The following AGBL4 variants were observed in gnomAD, a reference collection of about 807,000 sequenced individuals.
AGBL4 encodes cytosolic carboxypeptidase 6.
A neutral mutation model predicts 66.4 loss-of-function variants in AGBL4; 58 were observed. The observed-to-expected ratio is 0.87, with a 90% CI of 0.71 to 1.09. AGBL4 has a LOEUF of 1.09. Among genes scored for constraint, AGBL4 ranks in the 50% least tolerant of loss-of-function variants. The pLI is 0.00. For missense variants in AGBL4, 579 were observed against 631.0 expected, an observed-to-expected ratio of 0.92 and a Z score of 0.88; for synonymous variants, 234 against 222.9, an observed-to-expected ratio of 1.05 and a Z score of -0.44.
chr1:48,886,767 G>A (rs113096572), intron 5 of AGBL4, among the ~76,000 whole-genome samples: 10 of 152,216 alleles, frequency 6.6e-5, no homozygotes, highest in African/African-American at 2.4e-4. Context: ...TAACCAGGAT[G>A]GTCTCGATCT....
chr1:48,775,317 G>A (rs965244107), intron 6 of AGBL4, among the ~76,000 whole-genome samples: 1 of 152,126 alleles, frequency 6.6e-6, no homozygotes, highest in African/African-American at 2.4e-5. Context: ...ATTTTTCAGA[G>A]GCAACATGAG....
intron 6 of AGBL4, among the ~76,000 whole-genome samples, chr1:48,776,396 G>A (rs1645084181): frequency 1.3e-5 from 2 of 152,214 alleles, no homozygotes; most frequent in South Asian, 4.1e-4. Flanking sequence ...CGGGGAAGCG[G>A]GGAAGACAAA....
intron 3 of AGBL4, among the ~76,000 whole-genome samples, chr1:49,515,278 C>T (rs1020169349): frequency 6.6e-6 from 1 of 152,018 alleles, no homozygotes; most frequent in Non-Finnish European, 1.5e-5. Flanking sequence ...CCAAAAGACG[C>T]ATGAAAAAAT....
chr1:49,328,221 T>C (rs1570444329), intron 3 of AGBL4, among the ~76,000 whole-genome samples: 1 of 152,304 alleles, frequency 6.6e-6, no homozygotes, highest in Non-Finnish European at 1.5e-5. Flanking sequence ...AAAAAGGCAA[T>C]ATTATCTTCC....
intron 3 of AGBL4, among the ~76,000 whole-genome samples, chr1:49,288,999 G>GAC (rs143838813): frequency 0.079 from 11,836 of 150,632 alleles, 1,429 homozygotes; most frequent in African/African-American, 0.26. Context: ...TAACAAATGA[G>GAC]ACACACACAC....
chr1:49,941,258 C>T (rs1263269422), intron 1 of AGBL4, among the ~76,000 whole-genome samples: 2 of 152,128 alleles, frequency 1.3e-5, no homozygotes, highest in African/African-American at 4.8e-5. Flanking sequence ...CAAACATTTG[C>T]AGAAGTAATG....
At chr1:49,470,757 T>C (rs1056987063) in intron 3 of AGBL4, among the ~76,000 whole-genome samples, 1 of 151,986 alleles carries the variant, frequency 6.6e-6, no homozygotes, top group African/African-American at 2.4e-5. Context: ...GCCCCTTAAT[T>C]TGCATACAAT....
In AGBL4 at chr1:49,971,907, GTTTTTTTT is replaced by G. The variant is rs745772850; in HGVS notation, c.34+51848_34+51855del. 7.7e-4 allele frequency among the ~76,000 whole-genome samples: 18 copies of G among 23,442 alleles called. 1 individual carries two copies. The East Asian group carries it at 0.024, about 31-fold the overall frequency. The allele number at this position is 23,442 out of a possible 152,430, so 15.4% of individuals were successfully genotyped here. On this transcript the variant is annotated intron_variant, in intron 1 of 13. Coordinates refer to ENST00000371839, the MANE Select transcript of AGBL4 (RefSeq NM_032785.4). ...AAGTACAAGTGCAGGGTTTTTTTGG[GTTTTTTTT>G]TTTTTTTTTTTTTTTTTGCAGGGAC...
intron 6 of AGBL4, among the ~76,000 whole-genome samples, chr1:48,762,612 TTTTG>T (rs1479740771): frequency 0.011 from 1,443 of 127,876 alleles, 13 homozygotes; most frequent in East Asian, 0.028. Flanking sequence ...TCTTTAAGGG[TTTTG>T]TGTGTGTGTG....
At chr1:48,603,405 G>C in intron 9 of AGBL4, among the ~76,000 whole-genome samples, 1 of 152,200 alleles carries the variant, frequency 6.6e-6, no homozygotes, top group East Asian at 1.9e-4. Context: ...GGGAGTCAAA[G>C]AATGCAGTGA....
intron 3 of AGBL4, among the ~76,000 whole-genome samples, chr1:49,528,230 T>C (rs1650820221): frequency 6.6e-6 from 1 of 151,738 alleles, no homozygotes; most frequent in African/African-American, 2.4e-5. Flanking sequence ...CAGAGAAAAA[T>C]AAAGGCTGAG....
rs570040363 is a variant in AGBL4, at chr1:49,227,554, T to C, written c.377+18216A>G. Among the ~76,000 whole-genome samples the C allele has an allele frequency of 1.2e-3, 179 of 152,308 alleles. 1 individual carries two copies. Among genetic ancestry groups the C allele is most frequent in the Middle Eastern group, 0.01 (3 of 294 alleles). On this transcript the variant is annotated intron_variant, in intron 4 of 13. Coordinates refer to ENST00000371839, the MANE Select transcript of AGBL4 (RefSeq NM_032785.4). ...CCATTCAGTCAAACAGCTTGCAAGT[T>C]GGTATAGCCTCACCTTGTAATGAAA...
chr1:49,572,581 G>T (rs1382066699), intron 3 of AGBL4, among the ~76,000 whole-genome samples: 1 of 152,086 alleles, frequency 6.6e-6, no homozygotes, highest in Non-Finnish European at 1.5e-5. Context: ...TCAGTCCTGG[G>T]AGAGTGTATG....
At chr1:49,717,616 A>C (rs1286503871) in intron 2 of AGBL4, among the ~76,000 whole-genome samples, 7 of 152,142 alleles carry the variant, frequency 4.6e-5, no homozygotes, top group African/African-American at 1.7e-4. Context: ...CACTCACTAC[A>C]TCGAAGTATA....
At chr1:49,888,173 G>T (rs1402947464) in intron 1 of AGBL4, among the ~76,000 whole-genome samples, 1 of 152,044 alleles carries the variant, frequency 6.6e-6, no homozygotes, top group Non-Finnish European at 1.5e-5. Flanking sequence ...GCTTGTGCAA[G>T]AAATCAACTG....
chr1:48,709,584 C>CATTATT (rs10657477), intron 6 of AGBL4, among the ~76,000 whole-genome samples: 1,979 of 141,876 alleles, frequency 0.014, 24 homozygotes, highest in African/African-American at 0.029. Context: ...ATTTGCCAGG[C>CATTATT]ATTATTATTA....
At chr1:49,733,838 ATAAC>A in intron 2 of AGBL4, among the ~76,000 whole-genome samples, 1 of 152,200 alleles carries the variant, frequency 6.6e-6, no homozygotes, top group East Asian at 1.9e-4. Flanking sequence ...AAGAAAACTA[ATAAC>A]TAATATGCCT....
At chr1:49,514,909 T>C (rs1167101651) in intron 3 of AGBL4, among the ~76,000 whole-genome samples, 1 of 151,970 alleles carries the variant, frequency 6.6e-6, no homozygotes, top group African/African-American at 2.4e-5. Context: ...AAGACTTAAA[T>C]GTTAGACCTG....
At chr1:48,665,025 C>A (rs926488683) in intron 6 of AGBL4, among the ~76,000 whole-genome samples, 7 of 152,288 alleles carry the variant, frequency 4.6e-5, no homozygotes, top group South Asian at 2.1e-4. Context: ...ACAGTCACTG[C>A]ACCAATGTCA....
Sources: allele counts gnomAD v4.1 joint callset (sites outside exome capture counted in the v4.1 genomes callset), GRCh38; gene constraint gnomAD v4.1.1; transcripts MANE v1.5; gene names NCBI Gene and HGNC (gene_info 2026-07-23, HGNC 2026-07-21).